PTPRM: variants seen among roughly 807,000 people sequenced by gnomAD.
The protein encoded by PTPRM is protein tyrosine phosphatase receptor type M.
Under a neutral mutation model 186.7 loss-of-function variants are expected in PTPRM, and 47 were observed. The observed-to-expected ratio is 0.25, with a 90% CI of 0.20 to 0.32. The LOEUF is 0.32. Ranked by LOEUF, PTPRM falls within the 10% of genes least tolerant of loss-of-function variation. The pLI, the probability that PTPRM is intolerant of heterozygous loss-of-function variation, is 1.00. For missense variants in PTPRM, 1,494 were observed against 1,865.0 expected, an observed-to-expected ratio of 0.80 and a Z score of 3.66; for synonymous variants, 668 against 674.9, an observed-to-expected ratio of 0.99 and a Z score of 0.16.
At chr18:8,325,325 C>T (rs1209949849) in intron 22 of PTPRM, among the ~76,000 whole-genome samples, 3 of 152,116 alleles carry the variant, frequency 2.0e-5, no homozygotes, top group African/African-American at 4.8e-5. Context: ...CACCCTCTAC[C>T]CTCAGGTAGG....
At chr18:8,220,331 G>T (rs1797099127) in intron 14 of PTPRM, among the ~76,000 whole-genome samples, 1 of 152,144 alleles carries the variant, frequency 6.6e-6, no homozygotes, top group African/African-American at 2.4e-5. Flanking sequence ...TGAGCATGCA[G>T]ACATTACATA....
At chr18:7,983,726 C>T (rs948821759) in intron 7 of PTPRM, among the ~76,000 whole-genome samples, 4 of 152,156 alleles carry the variant, frequency 2.6e-5, no homozygotes, top group African/African-American at 9.7e-5. Flanking sequence ...TGCCTGTCTT[C>T]TTTGCCACTA....
At chr18:7,618,365 A>T (rs543987002) in intron 1 of PTPRM, among the ~76,000 whole-genome samples, 86 of 152,214 alleles carry the variant, frequency 5.6e-4, no homozygotes, top group African/African-American at 1.8e-3. Flanking sequence ...TTTACTGATT[A>T]TTTTTTTGAA....
chr18:8,382,441 T>C (rs911022779), intron 29 of PTPRM, among the ~76,000 whole-genome samples: 1 of 152,112 alleles, frequency 6.6e-6, no homozygotes, highest in African/African-American at 2.4e-5. Context: ...CATCTCGGCT[T>C]CCCATCATAA....
At chr18:8,389,807 G>A (rs2095799801) in intron 31 of PTPRM, among the ~76,000 whole-genome samples, 1 of 152,162 alleles carries the variant, frequency 6.6e-6, no homozygotes, top group African/African-American at 2.4e-5. Context: ...TAAGAGCATG[G>A]CATTCAGCAT....
intron 1 of PTPRM, among the ~76,000 whole-genome samples, chr18:7,765,866 A>G (rs998905582): frequency 7.2e-5 from 11 of 152,238 alleles, no homozygotes; most frequent in African/African-American, 2.4e-4. Context: ...ATCAAGGAGT[A>G]TTACAGTCTT....
intron 13 of PTPRM, among the ~76,000 whole-genome samples, chr18:8,133,502 A>G (rs1057098679): frequency 1.9e-4 from 29 of 152,306 alleles, no homozygotes; most frequent in African/African-American, 7.0e-4. Context: ...GCAAGAGGGG[A>G]CAAGCAAGGT....
At chr18:8,229,054 G>A (rs578064689) in intron 14 of PTPRM, among the ~76,000 whole-genome samples, 1 of 152,184 alleles carries the variant, frequency 6.6e-6, no homozygotes, top group African/African-American at 2.4e-5. Flanking sequence ...ATCAGTCAGT[G>A]TCCGTCTGTC....
chr18:7,699,347 G>A (rs1211579134), intron 1 of PTPRM, among the ~76,000 whole-genome samples: 3 of 152,030 alleles, frequency 2.0e-5, no homozygotes, highest in African/African-American at 7.2e-5. Context: ...TTTTCTACTT[G>A]CTAGGTTGCA....
At chr18:8,140,842 A>G (rs1309531457) in intron 13 of PTPRM, among the ~76,000 whole-genome samples, 1 of 152,246 alleles carries the variant, frequency 6.6e-6, no homozygotes, top group Non-Finnish European at 1.5e-5. Context: ...GGAAAAGTTT[A>G]TACCATGAGA....
At chr18:8,162,168 C>A (rs8093750) in intron 14 of PTPRM, among the ~76,000 whole-genome samples, 2 of 150,994 alleles carry the variant, frequency 1.3e-5, no homozygotes, top group Non-Finnish European at 2.9e-5. Flanking sequence ...GGCGCCATCT[C>A]GGCTCACTAC....
intron 14 of PTPRM, among the ~76,000 whole-genome samples, chr18:8,242,399 A>C (rs1450374202): frequency 6.6e-6 from 1 of 152,182 alleles, no homozygotes; most frequent in African/African-American, 2.4e-5. Flanking sequence ...GCAGCTATGG[A>C]GATGGAGTCC....
intron 1 of PTPRM, among the ~76,000 whole-genome samples, chr18:7,736,995 G>A (rs993210703): frequency 3.3e-5 from 5 of 152,170 alleles, no homozygotes; most frequent in African/African-American, 1.2e-4. Flanking sequence ...AGTAGAGATG[G>A]GGTTTTACAT....
intron 1 of PTPRM, among the ~76,000 whole-genome samples, chr18:7,709,181 A>G (rs2040159548): frequency 6.6e-6 from 1 of 152,166 alleles, no homozygotes; most frequent in African/African-American, 2.4e-5. Context: ...GTCTCAATAA[A>G]TTTAAGAAAA....
intron 14 of PTPRM, among the ~76,000 whole-genome samples, chr18:8,157,034 C>T (rs1022150456): frequency 4.6e-5 from 7 of 152,072 alleles, no homozygotes; most frequent in African/African-American, 1.4e-4. Context: ...GCATTAGCTG[C>T]ACCTTTCCTC....
At chr18:7,794,793 C>A (rs1167658483) in intron 2 of PTPRM, among the ~76,000 whole-genome samples, 1 of 152,120 alleles carries the variant, frequency 6.6e-6, no homozygotes, top group Non-Finnish European at 1.5e-5. Flanking sequence ...AAAATTAAAT[C>A]TTGGCATCTA....
intron 19 of PTPRM, among the ~76,000 whole-genome samples, chr18:8,265,665 T>C (rs1028441491): frequency 1.1e-4 from 16 of 151,962 alleles, no homozygotes; most frequent in Non-Finnish European, 2.1e-4. Flanking sequence ...GAAAAGTCAA[T>C]TTTTTTTCAA....
At chr18:8,363,949 T>C (rs2095612314) in intron 23 of PTPRM, among the ~76,000 whole-genome samples, 1 of 152,156 alleles carries the variant, frequency 6.6e-6, no homozygotes, top group Non-Finnish European at 1.5e-5. Context: ...AATAACAACA[T>C]TAACGAATAG....
intron 14 of PTPRM, among the ~76,000 whole-genome samples, chr18:8,225,650 A>C (rs540651155): frequency 4.6e-5 from 7 of 152,224 alleles, no homozygotes; most frequent in African/African-American, 1.7e-4. Context: ...CTTACCTGAC[A>C]TGCCAGCAGC....
Sources: gnomAD v4.1 joint callset for allele counts (sites outside exome capture counted in the v4.1 genomes callset) on GRCh38, gnomAD v4.1.1 for gene constraint, MANE v1.5 for transcripts, NCBI Gene and HGNC (gene_info 2026-07-23, HGNC 2026-07-21) for gene names.